The following DENND1B variants were observed in gnomAD, a reference collection of about 807,000 sequenced individuals.
The protein encoded by DENND1B is DENN domain-containing protein 1B.
DENND1B carries 59 observed loss-of-function variants against 90.1 expected under a neutral mutation model. The observed-to-expected ratio is 0.65, with a 90% CI of 0.53 to 0.81. The LOEUF is 0.81. DENND1B is among the 40% of genes least tolerant of loss of function. The probability of loss-of-function intolerance (pLI) is 0.00; values close to 1 mark genes in which losing one functional copy is unlikely to be tolerated. For missense variants in DENND1B, 862 were observed against 912.6 expected, an observed-to-expected ratio of 0.94 and a Z score of 0.71; for synonymous variants, 337 against 324.6, an observed-to-expected ratio of 1.04 and a Z score of -0.41.
At chr1:197,611,808 C>T in intron 12 of DENND1B, 123 bp downstream of exon 12, 3 of 740,990 alleles carry the variant, frequency 4.0e-6, no homozygotes, top group South Asian at 3.9e-5. Flanking sequence ...GATAAGCATA[C>T]TCTAAATATG....
chr1:197,582,443 T>C (rs763331863), intron 15 of DENND1B, among the ~76,000 whole-genome samples: 1 of 152,146 alleles, frequency 6.6e-6, no homozygotes, highest in African/African-American at 2.4e-5. Context: ...TTAATTCACA[T>C]AGTAAACTTT....
chr1:197,572,823 G>A (rs924848383), intron 15 of DENND1B, among the ~76,000 whole-genome samples: 3 of 152,108 alleles, frequency 2.0e-5, no homozygotes, highest in Non-Finnish European at 2.9e-5. Context: ...TGCAGCTGAG[G>A]GACCTGACTG....
At position 197,607,043 on chromosome 1, in the gene DENND1B, T is replaced by C. The variant is rs777526376; in HGVS notation, c.921+30A>G. On this transcript the variant is annotated intron_variant, in intron 13 of 22. Transcript: ENST00000620048. ...TCAGAGGTCCAGGAGAAAACATATA[T>C]GTTCACCACTGAATAGCCTTCATAC... The C allele has an allele frequency of 2.7e-6, 4 of 1,494,166 alleles. No individual in the cohort carries two copies. In the Admixed American group the frequency reaches 5.3e-5, roughly 20 times the overall value. 92.6% of individuals were successfully genotyped at this position (1,494,166 alleles called of 1,614,324 possible). A position where few individuals can be genotyped will look rare whatever the true frequency, so the allele number is the denominator to read the frequency against.
At chr1:197,739,905 C>T (rs371949176) in intron 2 of DENND1B, among the ~76,000 whole-genome samples, 49 of 152,206 alleles carry the variant, frequency 3.2e-4, no homozygotes, top group East Asian at 2.9e-3. Flanking sequence ...GAAATCAGAC[C>T]TTTACCTCTA....
At position 197,538,803 on chromosome 1, in the gene DENND1B, T is replaced by A. The variant is rs191507644; in HGVS notation, c.1515+1161A>T. ...TGAAATTTAATTGCCATTGTAATGG[T>A]ATTAAGAAGTGGGACTTTTAAGAGG... On this transcript the variant is annotated intron_variant, in intron 20 of 22. Transcript: ENST00000620048. Among the ~76,000 whole-genome samples the A allele has an allele frequency of 9.2e-5, 14 of 152,006 alleles. No homozygotes were observed. In the East Asian group the frequency reaches 2.5e-3, roughly 27 times the overall value.
chr1:197,720,568 T>TGA (rs11371046), intron 2 of DENND1B, among the ~76,000 whole-genome samples: 1 of 151,942 alleles, frequency 6.6e-6, no homozygotes, highest in Non-Finnish European at 1.5e-5. Context: ...TCAGCCTGAT[T>TGA]AAAAAAAACG....
chr1:197,768,995 T>C (rs2102494781), intron 2 of DENND1B, among the ~76,000 whole-genome samples: 1 of 152,312 alleles, frequency 6.6e-6, no homozygotes, highest in South Asian at 2.1e-4. Flanking sequence ...CACTGTTAAC[T>C]AAAATTTAAT....
At chr1:197,539,733 T>C (rs1670188605) in intron 20 of DENND1B, among the ~76,000 whole-genome samples, 2 of 152,156 alleles carry the variant, frequency 1.3e-5, no homozygotes, top group African/African-American at 4.8e-5. Context: ...CACTGGACTA[T>C]GAGATCTATG....
At chr1:197,725,303 G>A (rs1219881475) in intron 2 of DENND1B, among the ~76,000 whole-genome samples, 1 of 152,012 alleles carries the variant, frequency 6.6e-6, no homozygotes, top group Non-Finnish European at 1.5e-5. Context: ...AGAAGACAGT[G>A]GAATAATATA....
chr1:197,628,492 G>A (rs1342697926), intron 10 of DENND1B, among the ~76,000 whole-genome samples: 2 of 152,136 alleles, frequency 1.3e-5, no homozygotes, highest in Admixed American at 1.3e-4. Flanking sequence ...GCTGAAACTG[G>A]ATCCCCTCCT....
chr1:197,718,461 T>C (rs1660849843), intron 2 of DENND1B, among the ~76,000 whole-genome samples: 1 of 151,936 alleles, frequency 6.6e-6, no homozygotes, highest in Admixed American at 6.6e-5. Flanking sequence ...TGTGTAATTT[T>C]TTGGTAATGT....
rs74568366 is a variant in DENND1B at position 197,682,955 on chromosome 1, T to C, written c.127-8786A>G. Among the ~76,000 whole-genome samples, 1,270 of 152,288 alleles carry C rather than the reference T, an allele frequency of 8.3e-3. 19 individuals are homozygous for C. The highest frequency in any genetic ancestry group is 0.028 in the African/African-American group (1,166 of 41,572). On this transcript the variant is annotated intron_variant, in intron 3 of 22. Transcript: ENST00000620048. Reference sequence around the variant, plus strand: ...CTTTACATGTATCTTCTCATTATAATTATCAGTAGCATTCTCTTTTACTTT... The same window carrying C: ...CTTTACATGTATCTTCTCATTATAACTATCAGTAGCATTCTCTTTTACTTT...
Position 197,751,653 on chromosome 1 carries a change from G to A in DENND1B, c.82+21215C>T, listed in dbSNP as rs148659336. On this transcript the variant is annotated intron_variant, in intron 2 of 22. Transcript: ENST00000620048. ...GAGGTCAGGAGTTCGAGACTAGCCT[G>A]GTCAACATGGTGAAATCTTGTCTCT... is the stretch of plus-strand genomic sequence containing the variant. 9.1e-3 allele frequency among the ~76,000 whole-genome samples: 1,378 copies of A among 152,104 alleles called. 18 individuals carry two copies. Among genetic ancestry groups the A allele is most frequent in the African/African-American group, 0.028 (1,171 of 41,470 alleles).
At chr1:197,734,860 A>C (rs1159130076) in intron 2 of DENND1B, 1 of 984,984 alleles carries the variant, frequency 1.0e-6, no homozygotes. Flanking sequence ...AAGGGGGAAA[A>C]TAATCAATGC....
chr1:197,570,081 T>C (rs1489534352), intron 15 of DENND1B, among the ~76,000 whole-genome samples: 1 of 151,978 alleles, frequency 6.6e-6, no homozygotes, highest in Non-Finnish European at 1.5e-5. Context: ...ATCATAAATA[T>C]ATACAATTTT....
intron 10 of DENND1B, among the ~76,000 whole-genome samples, chr1:197,639,741 T>G (rs372210121): frequency 3.3e-5 from 5 of 152,150 alleles, no homozygotes; most frequent in African/African-American, 9.7e-5. Flanking sequence ...GATTTTACTT[T>G]TAATTTACAT....
At chr1:197,689,802 T>C (rs924546107) in intron 3 of DENND1B, 1 of 152,394 alleles carries the variant, frequency 6.6e-6, no homozygotes. Context: ...TGCTTGGCAC[T>C]GAGGTGCAGC....
At chr1:197,752,368 T>C (rs1470091642) in intron 2 of DENND1B, among the ~76,000 whole-genome samples, 1 of 152,044 alleles carries the variant, frequency 6.6e-6, no homozygotes, top group African/African-American at 2.4e-5. Flanking sequence ...TGATTAATCA[T>C]TTATCTGCTA....
chr1:197,540,433 CT>C (rs1388745619), intron 19 of DENND1B, among the ~76,000 whole-genome samples: 4 of 151,936 alleles, frequency 2.6e-5, no homozygotes, highest in Non-Finnish European at 5.9e-5. Flanking sequence ...CAAAACATAA[CT>C]GATAATAAAA....
Sources: allele counts gnomAD v4.1 joint callset (sites outside exome capture counted in the v4.1 genomes callset), GRCh38; gene constraint gnomAD v4.1.1; transcripts MANE v1.5; gene names NCBI Gene and HGNC (gene_info 2026-07-23, HGNC 2026-07-21).